MAL2: variants seen among roughly 807,000 people sequenced by gnomAD.
MAL2 encodes protein MAL2.
MAL2 carries 17 observed loss-of-function variants against 18.1 expected under a neutral mutation model. That is an observed-to-expected ratio of 0.94 (90% CI 0.64 to 1.41). The LOEUF (loss-of-function observed/expected upper bound fraction) is 1.41, where lower values mean the gene tolerates loss of function less well. Among genes scored for constraint, MAL2 ranks in the 40% most tolerant of loss-of-function variants. The pLI is 0.00. For missense variants in MAL2, 222 were observed against 231.9 expected, an observed-to-expected ratio of 0.96 and a Z score of 0.28; for synonymous variants, 102 against 102.3, an observed-to-expected ratio of 1.00 and a Z score of 0.02.
At chr8:119,232,949 G>GAGACAGTTTGTTATAAT (rs1817765939) in intron 2 of MAL2, among the ~76,000 whole-genome samples, 1 of 152,160 alleles carries the variant, frequency 6.6e-6, no homozygotes, top group Admixed American at 6.5e-5. Context: ...TGTGGGCTGA[G>GAGACAGTTTGTTATAAT]AGACAGTTTG....
Position 119,243,466 on chromosome 8 carries a change from C to G in MAL2, c.509C>G (p.Ala170Gly). ...TGTTATGGTTGCAGTTTGGGTCTGG[C>G]TTTACGAAGATGGCGACCGTAACAC... ...TACYGCSLGL[A>G]LRRWRP The change falls in exon 4 of 4, where the codon GCT (alanine) becomes GGT (glycine). Residue 170 changes from alanine (A) to glycine (G), a missense_variant. By Grantham distance (60) the Ala-to-Gly change is moderately conservative. Transcript: ENST00000614891. 1 of 1,601,310 alleles carries G rather than the reference C, an allele frequency of 6.2e-7. No individual in the cohort carries two copies. The highest frequency in any genetic ancestry group is 8.5e-7 in the Non-Finnish European group (1 of 1,173,164).
At chr8:119,218,385 A>G (rs1425048) in intron 1 of MAL2, among the ~76,000 whole-genome samples, 146,216 of 152,188 alleles carry the variant, frequency 0.96, 70,286 homozygotes, top group East Asian at 0.99. Context: ...AGTCTATACT[A>G]TTTTACAGTA....
intron 1 of MAL2, among the ~76,000 whole-genome samples, chr8:119,219,607 G>C (rs1292607260): frequency 6.6e-6 from 1 of 152,034 alleles, no homozygotes; most frequent in Non-Finnish European, 1.5e-5. Flanking sequence ...CTTGCTTGAG[G>C]TGTCTTCAGG....
intron 3 of MAL2, among the ~76,000 whole-genome samples, chr8:119,242,627 G>A (rs993337011): frequency 6.6e-6 from 1 of 152,180 alleles, no homozygotes; most frequent in Non-Finnish European, 1.5e-5. Context: ...AGGGTGGAAA[G>A]AAAAGCAGAA....
At chr8:119,219,520 GGTGTGTGTGTGTGTGTGTGTGTGT>G (rs143315878) in intron 1 of MAL2, among the ~76,000 whole-genome samples, 2 of 147,898 alleles carry the variant, frequency 1.4e-5, no homozygotes, top group African/African-American at 2.5e-5. Context: ...ACTCTCCCTG[GGTGTGTGTGTGTGTGTGTGTGTGT>G]GTGTGTGTGT....
intron 2 of MAL2, among the ~76,000 whole-genome samples, chr8:119,238,139 A>G (rs1238165106): frequency 1.3e-5 from 2 of 152,224 alleles, no homozygotes; most frequent in Non-Finnish European, 2.9e-5. Flanking sequence ...TTATATACCA[A>G]TAACATACAA....
chr8:119,219,520 G>GGTGTGTGT (rs143315878), intron 1 of MAL2, among the ~76,000 whole-genome samples: 1 of 147,898 alleles, frequency 6.8e-6, no homozygotes, highest in African/African-American at 2.5e-5. Context: ...ACTCTCCCTG[G>GGTGTGTGT]GTGTGTGTGT....
chr8:119,210,608 A>G (rs1817254216), intron 1 of MAL2, among the ~76,000 whole-genome samples: 1 of 152,214 alleles, frequency 6.6e-6, no homozygotes, highest in Non-Finnish European at 1.5e-5. Flanking sequence ...CCTAGAGAAG[A>G]CAGCTCTGCT....
chr8:119,231,983 A>C (rs774476521), intron 2 of MAL2, among the ~76,000 whole-genome samples: 4 of 152,158 alleles, frequency 2.6e-5, no homozygotes, highest in Non-Finnish European at 4.4e-5. Context: ...AGTTCAAGAG[A>C]TCTATTGTAC....
At position 119,243,448 on chromosome 8, in the gene MAL2, G is replaced by A; in HGVS notation, c.491G>A (p.Gly164Asp). 6 of 1,600,220 alleles carry A rather than the reference G, an allele frequency of 3.7e-6. No homozygotes were observed. Among genetic ancestry groups the A allele is most frequent in the Non-Finnish European group, 4.3e-6 (5 of 1,172,658 alleles). ...GCCTTTATGACGACAGCTTGTTATG[G>A]TTGCAGTTTGGGTCTGGCTTTACGA... ...IFAFMTTACY[G>D]CSLGLALRRW... The change falls in exon 4 of 4, where the codon GGT becomes GAT. Residue 164 changes from glycine (G) to aspartate (D), a missense_variant. Coordinates refer to ENST00000614891, the MANE Select transcript of MAL2 (RefSeq NM_052886.3).
At chr8:119,237,087 T>TA (rs1184015170) in intron 2 of MAL2, among the ~76,000 whole-genome samples, 3 of 151,770 alleles carry the variant, frequency 2.0e-5, no homozygotes, top group Admixed American at 1.3e-4. Flanking sequence ...ATAGACACAA[T>TA]AAAAAATGAC....
intron 1 of MAL2, chr8:119,221,047 A>G (rs1037890548): frequency 6.5e-6 from 1 of 154,176 alleles, no homozygotes; most frequent in African/African-American, 2.4e-5. Flanking sequence ...ATAATACTCA[A>G]TAAATGATGG....
rs952804227 is a variant in MAL2 at position 119,245,580 on chromosome 8, A to G, written c.*2092A>G. 3.9e-5 allele frequency: 6 copies of G among 152,556 alleles called. No individual in the cohort carries two copies. The highest frequency in any genetic ancestry group is 7.3e-5 in the Non-Finnish European group (5 of 68,028). 9.5% of individuals were successfully genotyped at this position (152,556 alleles called of 1,614,324 possible). Reference sequence around the variant, plus strand: ...AACATGTCTTAGCTGTAAAAATGAGAAAGTGTTGGTTGGTTTTAAAATCTG... The same window carrying G: ...AACATGTCTTAGCTGTAAAAATGAGGAAGTGTTGGTTGGTTTTAAAATCTG... On this transcript the variant is annotated 3_prime_UTR_variant, in exon 4 of 4. Coordinates refer to ENST00000614891, the MANE Select transcript of MAL2 (RefSeq NM_052886.3).
In MAL2 at chr8:119,218,175, G is replaced by C. The variant is rs145012662; in HGVS notation, c.133-3412G>C. ...CGAGCCTGGATTTCACAGAATCTCA[G>C]CTCTAGGGATGTATCATATGTATTT... On this transcript the variant is annotated intron_variant, in intron 1 of 3. Coordinates refer to ENST00000614891, the MANE Select transcript of MAL2 (RefSeq NM_052886.3). 2.8e-3 allele frequency among the ~76,000 whole-genome samples: 431 copies of C among 152,196 alleles called. 1 individual carries two copies. The highest frequency in any genetic ancestry group is 9.8e-3 in the African/African-American group (406 of 41,524).
chr8:119,233,359 A>C (rs1817778756), intron 2 of MAL2, among the ~76,000 whole-genome samples: 2 of 152,208 alleles, frequency 1.3e-5, no homozygotes, highest in Admixed American at 1.3e-4. Flanking sequence ...AGACACAAAA[A>C]ACCCTCTAAA....
intron 3 of MAL2, among the ~76,000 whole-genome samples, chr8:119,242,940 C>A (rs1818076564): frequency 6.6e-6 from 1 of 152,200 alleles, no homozygotes; most frequent in Non-Finnish European, 1.5e-5. Flanking sequence ...CAAGAGCAAG[C>A]CAACCTGATA....
intron 1 of MAL2, chr8:119,220,970 A>C (rs1456740110): frequency 2.6e-5 from 4 of 152,244 alleles, no homozygotes; most frequent in Non-Finnish European, 5.9e-5. Context: ...AGTGCCTGAA[A>C]TGTAGTAGGT....
At chr8:119,236,468 C>T (rs1817897033) in intron 2 of MAL2, among the ~76,000 whole-genome samples, 1 of 151,150 alleles carries the variant, frequency 6.6e-6, no homozygotes, top group African/African-American at 2.4e-5. Context: ...CAGAACTCTC[C>T]ACCCCAAATC....
intron 3 of MAL2, 59 bp downstream of exon 3, chr8:119,240,379 C>G: frequency 6.5e-7 from 1 of 1,529,550 alleles, no homozygotes; most frequent in Non-Finnish European, 8.9e-7. Flanking sequence ...CTGTCAAGGC[C>G]TCCAAGAAAC....
Sources: gnomAD v4.1 joint callset for allele counts (sites outside exome capture counted in the v4.1 genomes callset) on GRCh38, gnomAD v4.1.1 for gene constraint, MANE v1.5 for transcripts, NCBI Gene and HGNC (gene_info 2026-07-23, HGNC 2026-07-21) for gene names.